Variants in AXL observed in about 807,000 individuals in gnomAD.
The protein encoded by AXL is AXL receptor tyrosine kinase.
A neutral mutation model predicts 104.5 loss-of-function variants in AXL; 52 were observed. The ratio of observed to expected loss-of-function variants is 0.50; its 90% confidence interval spans 0.40 to 0.63. The LOEUF (loss-of-function observed/expected upper bound fraction) is 0.63, where lower values mean the gene tolerates loss of function less well. Among genes scored for constraint, AXL ranks in the 20% least tolerant of loss-of-function variants. The probability of loss-of-function intolerance (pLI) is 0.00; values close to 1 mark genes in which losing one functional copy is unlikely to be tolerated. For synonymous variants in AXL, 455 were observed against 473.7 expected (o/e 0.96, Z 0.51); for missense variants, 1,024 against 1,188.5 (o/e 0.86, Z 2.04).
chr19:41,259,596 C>T lies in AXL; in HGVS notation c.2377C>T (p.Arg793Trp), dbSNP rs1006009457. 22 of 1,612,988 alleles carry T rather than the reference C, an allele frequency of 1.4e-5. No individual in the cohort carries two copies. Among genetic ancestry groups the T allele is most frequent in the South Asian group, 3.3e-5 (3 of 90,944 alleles). ...GTGCTGGGAGCTAAATCCCCAGGAC[C>T]GGCCAAGTTTTACAGAGCTGCGGGA... is the stretch of plus-strand genomic sequence containing the variant. The part of the protein sequence containing the change: ...SRCWELNPQD[R>W]PSFTELREDL... The change falls in exon 20 of 20, where the codon CGG (arginine) becomes TGG (tryptophan). Residue 793 changes from arginine (R) to tryptophan (W), a missense_variant. This residue lies in a region of AXL where 523 missense variants were observed against 636.0 expected (regional missense o/e 0.82). Transcript: ENST00000301178.
chr19:41,251,562 C>CAA (rs916273568), intron 14 of AXL, among the ~76,000 whole-genome samples: 2 of 109,754 alleles, frequency 1.8e-5, no homozygotes, highest in Non-Finnish European at 3.9e-5. Context: ...AACTCCATCT[C>CAA]AAAAAAAAAA....
chr19:41,231,311 A>G lies in AXL; in HGVS notation c.783+13A>G, dbSNP rs376363034. On this transcript the variant is annotated intron_variant, in intron 6 of 19. Transcript: ENST00000301178. ...CTGCACCCTGCAGGTGAGACTCCCA[A>G]ACTTGGTTCATTTCAGTCTCAGGCC... 2.5e-6 allele frequency: 4 copies of G among 1,604,544 alleles called. No individual in the cohort carries two copies. The East Asian group carries it at 6.7e-5, about 27-fold the overall frequency.
In AXL at chr19:41,240,376, G is replaced by GTGGATGGATGGATGGGTGGA. The variant is rs2034161264; in HGVS notation, c.1312+671_1312+672insGTGGATGGATGGATGGATGG. Among the ~76,000 whole-genome samples, 13 of 149,426 alleles carry GTGGATGGATGGATGGGTGGA rather than the reference G, an allele frequency of 8.7e-5. No individual in the cohort carries two copies. In the South Asian group the frequency reaches 2.8e-3, roughly 32 times the overall value. On this transcript the variant is annotated intron_variant, in intron 10 of 19. Coordinates refer to ENST00000301178, the MANE Select transcript of AXL (RefSeq NM_021913.5). ...AGTGGATATATGGATGGGTAGATGG[G>GTGGATGGATGGATGGGTGGA]TGGATGGATGGATGGATGGATGGAT... is the stretch of plus-strand genomic sequence containing the variant.
In AXL at chr19:41,231,288, GCA is replaced by G; in HGVS notation, c.775_776del (p.Thr259ProfsTer79). 6.2e-7 allele frequency: 1 copy of G among 1,613,204 alleles called. No homozygotes were observed. The highest frequency in any genetic ancestry group is 8.5e-7 in the Non-Finnish European group (1 of 1,179,496). ...AGCGGCATCTACCCCCTGACCCACT[GCA>G]CCCTGCAGGTGAGACTCCCAAACTT... On this transcript the variant is annotated frameshift_variant, in exon 6 of 20. Transcript: ENST00000301178. LOFTEE classifies it high-confidence loss of function.
chr19:41,252,461 T>G lies in AXL; in HGVS notation c.1804+18T>G. The G allele has an allele frequency of 1.2e-6, 2 of 1,612,570 alleles. No individual in the cohort carries two copies. Among genetic ancestry groups the G allele is most frequent in the South Asian group, 1.1e-5 (1 of 91,028 alleles). ...GCTCATCGGTGAGAGAGGGGCAGAT[T>G]CAAGGGGTCTACAAGCCCCATGGGG... On this transcript the variant is annotated intron_variant, in intron 15 of 19. Transcript: ENST00000301178.
intron 4 of AXL, among the ~76,000 whole-genome samples, chr19:41,227,447 C>T (rs1172090061): frequency 6.6e-6 from 1 of 150,792 alleles, no homozygotes; most frequent in Non-Finnish European, 1.5e-5. Flanking sequence ...TTCTCTTTGG[C>T]CTATCCGAAT....
chr19:41,239,727 G>GCTTC lies in AXL; in HGVS notation c.1312+9_1312+12dup. 1 of 1,614,086 alleles carries GCTTC rather than the reference G, an allele frequency of 6.2e-7. No homozygotes were observed. The highest frequency in any genetic ancestry group is 8.5e-7 in the Non-Finnish European group (1 of 1,180,024). ...CAGCCAGTCCACCAGCTGGGTAAGGGCTTCCACACCCCATCTCCTCCTTCC... is the reference window on the plus strand; with the variant it reads ...CAGCCAGTCCACCAGCTGGGTAAGGGCTTCCTTCCACACCCCATCTCCTCCTTCC... On this transcript the variant is annotated splice_region_variant and intron_variant, in intron 10 of 19. Coordinates refer to ENST00000301178, the MANE Select transcript of AXL (RefSeq NM_021913.5).
intron 1 of AXL, among the ~76,000 whole-genome samples, chr19:41,219,896 C>A (rs1053332808): frequency 3.3e-5 from 5 of 151,766 alleles, no homozygotes; most frequent in Admixed American, 6.6e-5. Context: ...CTTCTCCCTG[C>A]CAACACCACC....
chr19:41,252,044 C>T (rs1184601441), intron 14 of AXL, among the ~76,000 whole-genome samples: 5 of 147,456 alleles, frequency 3.4e-5, no homozygotes, highest in Non-Finnish European at 7.4e-5. Context: ...ACCCGAGAGG[C>T]GGAGGTTGCA....
intron 14 of AXL, 127 bp from the exon 15 acceptor site, chr19:41,252,224 T>C: frequency 1.3e-6 from 1 of 746,532 alleles, no homozygotes; most frequent in South Asian, 1.6e-5. Flanking sequence ...GTATGGTGCC[T>C]GGTACTTACT....
At position 41,260,790 on chromosome 19, in the gene AXL, A is replaced by G. The variant is rs542450782; in HGVS notation, c.*886A>G. 7.1e-4 allele frequency: 108 copies of G among 152,322 alleles called. 1 individual carries two copies. Among genetic ancestry groups the G allele is most frequent in the African/African-American group, 2.6e-3 (108 of 41,570 alleles). 9.4% of individuals were successfully genotyped at this position (152,322 alleles called of 1,614,324 possible). On this transcript the variant is annotated 3_prime_UTR_variant, in exon 20 of 20. Coordinates refer to ENST00000301178, the MANE Select transcript of AXL (RefSeq NM_021913.5). ...GAGTTCAGAGTCCTTAAAATGTAAG[A>G]TTATAGATTCTAAAGATTCTATAGT...
At chr19:41,239,632 C>G in intron 9 of AXL, 62 bp from the exon 10 acceptor site, 1 of 1,603,468 alleles carries the variant, frequency 6.2e-7, no homozygotes, top group Middle Eastern at 1.7e-4. Context: ...TACTCCCTTA[C>G]CCGTGCCACG....
chr19:41,251,612 A>G (rs1277007323), intron 14 of AXL, among the ~76,000 whole-genome samples: 1 of 151,820 alleles, frequency 6.6e-6, no homozygotes, highest in African/African-American at 2.4e-5. Context: ...CTGTGGTCCC[A>G]GCTACTCAGG....
intron 4 of AXL, among the ~76,000 whole-genome samples, chr19:41,224,844 G>A (rs1393925832): frequency 6.6e-6 from 1 of 152,124 alleles, no homozygotes; most frequent in African/African-American, 2.4e-5. Context: ...GTCTCCCTGT[G>A]TGTGCACTGG....
In AXL at chr19:41,239,101, A is replaced by T. The variant is rs867160672; in HGVS notation, c.1135-63A>T. On this transcript the variant is annotated intron_variant, in intron 8 of 19. Coordinates refer to ENST00000301178, the MANE Select transcript of AXL (RefSeq NM_021913.5). ...AGAAAGAGATGGGGCATTGAGCCCG[A>T]GAGTGAAGGCTTAACAGCTGGGGGG... 18 of 1,591,352 alleles carry T rather than the reference A, an allele frequency of 1.1e-5. 1 individual carries two copies. The highest frequency in any genetic ancestry group is 1.7e-4 in the Middle Eastern group (1 of 5,974).
At position 41,260,159 on chromosome 19, in the gene AXL, T is replaced by C. The variant is rs146014126; in HGVS notation, c.*255T>C. 9.7e-4 allele frequency: 445 copies of C among 458,710 alleles called. No homozygotes were observed. The highest frequency in any genetic ancestry group is 1.5e-3 in the Non-Finnish European group (388 of 260,202). 28.4% of individuals were successfully genotyped at this position (458,710 alleles called of 1,614,324 possible). Reference sequence around the variant, plus strand: ...CTGAAGCCCTCCCAGGTGTTAACATTCCAAGACTCTAGAGTCCAAGGTTTA... The same window carrying C: ...CTGAAGCCCTCCCAGGTGTTAACATCCCAAGACTCTAGAGTCCAAGGTTTA... On this transcript the variant is annotated 3_prime_UTR_variant, in exon 20 of 20. Coordinates refer to ENST00000301178, the MANE Select transcript of AXL (RefSeq NM_021913.5).
Position 41,221,870 on chromosome 19 carries a change from A to AC in AXL, c.410-6dup. The AC allele has an allele frequency of 6.2e-7, 1 of 1,612,416 alleles. No individual in the cohort carries two copies. The highest frequency in any genetic ancestry group is 1.3e-5 in the African/African-American group (1 of 74,840). On this transcript the variant is annotated splice_polypyrimidine_tract_variant and intron_variant, in intron 3 of 19. Coordinates refer to ENST00000301178, the MANE Select transcript of AXL (RefSeq NM_021913.5). Reference sequence around the variant, plus strand: ...GGGACCCCAGCCTCTACCACTGCCCACCCCGCTAGGCTTGCCTTACTTCCT... The same window carrying AC: ...GGGACCCCAGCCTCTACCACTGCCCACCCCCGCTAGGCTTGCCTTACTTCCT...
chr19:41,239,453 C>T (rs947062374), intron 9 of AXL, 139 bp downstream of exon 9: 7 of 1,300,536 alleles, frequency 5.4e-6, no homozygotes, highest in Non-Finnish European at 7.4e-6. Flanking sequence ...CCCTCACTCC[C>T]TTACCCATGC....
Position 41,231,176 on chromosome 19 carries a change from T to C in AXL, c.668-7T>C. 4 of 1,611,022 alleles carry C rather than the reference T, an allele frequency of 2.5e-6. No homozygotes were observed. The highest frequency in any genetic ancestry group is 3.4e-6 in the Non-Finnish European group (4 of 1,178,202). ...CCCCAGGGTCAATCTCTCCCGTTTGTCCACAGTGCTCCCCCAGCAGCCCCG... is the reference window on the plus strand; with the variant it reads ...CCCCAGGGTCAATCTCTCCCGTTTGCCCACAGTGCTCCCCCAGCAGCCCCG... On this transcript the variant is annotated splice_polypyrimidine_tract_variant and splice_region_variant and intron_variant, in intron 5 of 19. Transcript: ENST00000301178.
Sources: gnomAD v4.1 joint callset for allele counts (sites outside exome capture counted in the v4.1 genomes callset) on GRCh38, gnomAD v4.1.1 for gene constraint, gnomAD v4.1.1 regional missense constraint, MANE v1.5 for transcripts, NCBI Gene and HGNC (gene_info 2026-07-23, HGNC 2026-07-21) for gene names.